Variants in HSPA4 observed in about 807,000 individuals in gnomAD.
The protein encoded by HSPA4 is heat shock 70 kDa protein 4.
A neutral mutation model predicts 106.2 loss-of-function variants in HSPA4; 25 were observed. That is an observed-to-expected ratio of 0.24 (90% CI 0.17 to 0.33). The LOEUF (loss-of-function observed/expected upper bound fraction) is 0.33. HSPA4 is among the 10% of genes least tolerant of loss of function. The pLI is 1.00. For missense variants in HSPA4, 841 were observed against 996.0 expected, an observed-to-expected ratio of 0.84 and a Z score of 2.10; for synonymous variants, 332 against 333.6, an observed-to-expected ratio of 1.00 and a Z score of 0.05.
intron 16 of HSPA4, among the ~76,000 whole-genome samples, chr5:133,100,049 TTTA>T (rs1468450403): frequency 1.3e-5 from 2 of 151,796 alleles, no homozygotes. Context: ...ATTTTATTTA[TTTA>T]TTATTTATTT....
intron 1 of HSPA4, among the ~76,000 whole-genome samples, chr5:133,057,264 A>T (rs1378263639): frequency 1.3e-5 from 2 of 151,680 alleles, no homozygotes; most frequent in Non-Finnish European, 2.9e-5. Flanking sequence ...TAGTCTAATT[A>T]TTGCGGTTTC....
At position 133,101,843 on chromosome 5, in the gene HSPA4, C is replaced by T. The variant is rs1765788883; in HGVS notation, c.2122C>T (p.Gln708Ter). The T allele has an allele frequency of 1.3e-6, 2 of 1,593,900 alleles. No homozygotes were observed. Among genetic ancestry groups the T allele is most frequent in the Non-Finnish European group, 8.6e-7 (1 of 1,165,750 alleles). Reference protein sequence around the residue: ...LFEELGKQIQQYMKIISSFKN... With the variant: ...LFEELGKQIQ ...TGAAGAACTAGGGAAACAGATCCAA[C>T]AGTATATGAAAATAATCAGCTCTTT... Residue 708 changes from glutamine to a stop codon, truncating the protein, a stop_gained, in exon 17 of 19, where the codon CAG (glutamine) becomes TAG (stop). Transcript: ENST00000304858. LOFTEE classifies it high-confidence loss of function.
intron 1 of HSPA4, 121 bp downstream of exon 1, chr5:133,052,478 C>T (rs1299895440): frequency 3.0e-6 from 2 of 665,592 alleles, no homozygotes. Flanking sequence ...GAGCCGAGGT[C>T]CCGGTAGGTC....
chr5:133,103,374 C>CT (rs113278830), intron 17 of HSPA4, among the ~76,000 whole-genome samples: 2,918 of 143,924 alleles, frequency 0.02, 35 homozygotes, highest in African/African-American at 0.042. Context: ...CCTTCTTCTT[C>CT]TTTTTTTTTT....
intron 13 of HSPA4, among the ~76,000 whole-genome samples, chr5:133,094,561 A>G (rs1406420909): frequency 1.3e-5 from 2 of 152,216 alleles, no homozygotes; most frequent in Admixed American, 1.3e-4. Context: ...TGGGGGCAGC[A>G]GTGGCAGAGA....
In HSPA4 at chr5:133,069,872, A is replaced by G. The variant is rs561869742; in HGVS notation, c.307-502A>G. ...ATCTCCAAGTATCGTGTTTGGTTGA[A>G]AGCTAAAATAGGCTATGCGTGGTGG... On this transcript the variant is annotated intron_variant, in intron 3 of 18. Transcript: ENST00000304858. 4.6e-5 allele frequency among the ~76,000 whole-genome samples: 7 copies of G among 152,270 alleles called. No individual in the cohort carries two copies. The South Asian group carries it at 1.2e-3, about 27-fold the overall frequency.
At position 133,089,111 on chromosome 5, in the gene HSPA4, A is replaced by G. The variant is rs1395535465; in HGVS notation, c.1194A>G (p.Val398=). The part of the protein sequence containing the change: ...KVREFSITDV[V]PYPISLRWNS... ...GAGAATTTTCTATCACTGATGTAGT[A>G]CCATATCCAATATCTCTGAGATGGA... Residue 398 remains valine, a synonymous_variant, in exon 10 of 19, where the codon GTA becomes GTG. Coordinates refer to ENST00000304858, the MANE Select transcript of HSPA4 (RefSeq NM_002154.4). 1.3e-5 allele frequency: 21 copies of G among 1,605,218 alleles called. No individual in the cohort carries two copies. Among genetic ancestry groups the G allele is most frequent in the Admixed American group, 1.7e-5 (1 of 58,762 alleles).
intron 2 of HSPA4, among the ~76,000 whole-genome samples, chr5:133,066,636 C>G (rs1434076663): frequency 1.3e-5 from 2 of 151,988 alleles, no homozygotes; most frequent in Non-Finnish European, 1.5e-5. Flanking sequence ...TAATACTCTC[C>G]CAATATCCTT....
intron 7 of HSPA4, among the ~76,000 whole-genome samples, chr5:133,084,248 T>G (rs1765550951): frequency 6.6e-6 from 1 of 152,226 alleles, no homozygotes; most frequent in African/African-American, 2.4e-5. Flanking sequence ...TGAGATTCAT[T>G]TGTTTGTTTC....
intron 7 of HSPA4, among the ~76,000 whole-genome samples, chr5:133,082,150 G>A (rs7736327): frequency 0.1 from 15,588 of 152,030 alleles, 2,247 homozygotes; most frequent in African/African-American, 0.31. Context: ...AAAAGTTCAC[G>A]CTGCTGAAAG....
chr5:133,053,983 A>G (rs777361537), intron 1 of HSPA4, among the ~76,000 whole-genome samples: 3 of 151,952 alleles, frequency 2.0e-5, no homozygotes, highest in East Asian at 3.9e-4. Flanking sequence ...TCTAAGGTCC[A>G]TTATTTTCAC....
intron 7 of HSPA4, among the ~76,000 whole-genome samples, chr5:133,083,613 C>T (rs1269519362): frequency 2.0e-5 from 3 of 152,022 alleles, no homozygotes; most frequent in Non-Finnish European, 2.9e-5. Flanking sequence ...TTTCAGCTCA[C>T]CTTAACCTCC....
chr5:133,067,300 C>T, intron 2 of HSPA4, 117 bp from the exon 3 acceptor site: 4 of 896,806 alleles, frequency 4.5e-6, no homozygotes, highest in Non-Finnish European at 6.7e-6. Flanking sequence ...CTGAAGAAAC[C>T]AAAACCAAGA....
At chr5:133,096,369 T>C (rs1410500645) in intron 14 of HSPA4, 119 bp downstream of exon 14, 9 of 901,248 alleles carry the variant, frequency 1.0e-5, no homozygotes, top group Non-Finnish European at 1.5e-5. Flanking sequence ...GAAAATAAAT[T>C]AGACTTTTGT....
chr5:133,076,577 C>A, intron 6 of HSPA4, 77 bp from the exon 7 acceptor site: 1 of 1,297,174 alleles, frequency 7.7e-7, no homozygotes, highest in Non-Finnish European at 1.1e-6. Flanking sequence ...AGATAAACAA[C>A]TTACCAGGTA....
At chr5:133,061,929 C>T (rs529757150) in intron 1 of HSPA4, among the ~76,000 whole-genome samples, 5 of 152,244 alleles carry the variant, frequency 3.3e-5, no homozygotes, top group African/African-American at 9.6e-5. Flanking sequence ...CCACCGTGCC[C>T]GGTAAACGAT....
intron 6 of HSPA4, among the ~76,000 whole-genome samples, chr5:133,075,640 C>A (rs906873360): frequency 2.0e-5 from 3 of 151,720 alleles, no homozygotes; most frequent in Non-Finnish European, 4.4e-5. Flanking sequence ...ACAGCCTGGG[C>A]AACATGGCAA....
intron 15 of HSPA4, 103 bp from the exon 16 acceptor site, chr5:133,099,442 A>G: frequency 1.9e-6 from 1 of 533,006 alleles, no homozygotes; most frequent in Admixed American, 2.8e-5. Flanking sequence ...TGCCCTCTGT[A>G]TTTTAAAGCA....
chr5:133,080,550 TTTAA>T (rs1194442118), intron 7 of HSPA4, among the ~76,000 whole-genome samples: 5 of 152,094 alleles, frequency 3.3e-5, no homozygotes, highest in African/African-American at 1.2e-4. Flanking sequence ...CAAATTTAAG[TTTAA>T]TTAAAATTTC....
Sources: allele counts gnomAD v4.1 joint callset (sites outside exome capture counted in the v4.1 genomes callset), GRCh38; gene constraint gnomAD v4.1.1; transcripts MANE v1.5; gene names NCBI Gene and HGNC (gene_info 2026-07-23, HGNC 2026-07-21).